SGSM2: variants seen among roughly 807,000 people sequenced by gnomAD.
SGSM2 encodes the protein RUN and TBC1 domain containing 1.
Under a neutral mutation model 126.6 loss-of-function variants are expected in SGSM2, and 89 were observed. The ratio of observed to expected loss-of-function variants is 0.70; its 90% confidence interval spans 0.59 to 0.84. The LOEUF is 0.84. SGSM2 is among the 40% of genes least tolerant of loss of function. SGSM2 has a pLI of 0.00. For synonymous variants in SGSM2, 614 were observed against 574.3 expected (o/e 1.07, Z -0.99); for missense variants, 1,404 against 1,416.6 (o/e 0.99, Z 0.14).
chr17:2,378,584 T>G (rs927406742), intron 22 of SGSM2, among the ~76,000 whole-genome samples: 1 of 151,760 alleles, frequency 6.6e-6, no homozygotes, highest in Admixed American at 6.6e-5. Context: ...AAAATTTCCA[T>G]AGGTGATTCC....
intron 1 of SGSM2, among the ~76,000 whole-genome samples, chr17:2,338,166 A>G (rs1366992611): frequency 4.6e-5 from 7 of 151,856 alleles, no homozygotes; most frequent in Admixed American, 1.3e-4. Flanking sequence ...CCACGTCCTA[A>G]GTGGGTGTCG....
chr17:2,373,656 C>A, intron 17 of SGSM2, 143 bp downstream of exon 17: 3 of 700,356 alleles, frequency 4.3e-6, no homozygotes, highest in Non-Finnish European at 7.0e-6. Context: ...TCATTTTCTC[C>A]AACTGGAAAT....
intron 21 of SGSM2, chr17:2,377,320 C>T (rs111980011): frequency 0.015 from 6,545 of 427,108 alleles, 407 homozygotes; most frequent in African/African-American, 0.12. Context: ...CCCATCTCTA[C>T]TAAAAATACA....
At position 2,379,905 on chromosome 17, in the gene SGSM2, G is replaced by T; in HGVS notation, c.*385G>T. ...ATAGCGGCCTGGGCCCTACTCAGCT[G>T]GGGTGGCAGAGGGCGAGAGGCTCTG... On this transcript the variant is annotated 3_prime_UTR_variant, in exon 24 of 24. Coordinates refer to ENST00000268989, the MANE Select transcript of SGSM2 (RefSeq NM_014853.3). 1 of 1,298,984 alleles carries T rather than the reference G, an allele frequency of 7.7e-7. No individual in the cohort carries two copies. 80.5% of individuals were successfully genotyped at this position (1,298,984 alleles called of 1,614,324 possible). A position where few individuals can be genotyped will look rare whatever the true frequency, so the allele number is the denominator to read the frequency against.
intron 2 of SGSM2, among the ~76,000 whole-genome samples, chr17:2,349,157 C>G (rs1463949486): frequency 2.0e-5 from 3 of 151,976 alleles, no homozygotes; most frequent in Admixed American, 1.3e-4. Flanking sequence ...GGGTGGATCA[C>G]CTGAGGTCAG....
chr17:2,364,872 C>A, intron 9 of SGSM2, 25 bp from the exon 10 acceptor site: 1 of 1,603,472 alleles, frequency 6.2e-7, no homozygotes. Context: ...AGGGCCTCAG[C>A]CGCACTCTCC....
Position 2,380,083 on chromosome 17 carries a change from C to A in SGSM2, c.*563C>A. 1 of 1,404,308 alleles carries A rather than the reference C, an allele frequency of 7.1e-7. No individual in the cohort carries two copies. Among genetic ancestry groups the A allele is most frequent in the Non-Finnish European group, 9.2e-7 (1 of 1,083,158 alleles). 87.0% of individuals were successfully genotyped at this position (1,404,308 alleles called of 1,614,324 possible). On this transcript the variant is annotated 3_prime_UTR_variant, in exon 24 of 24. Transcript: ENST00000268989. The stretch of plus-strand genomic sequence containing the variant: ...AGACCCGGGCCGCCTTCAGGCCGCT[C>A]CCCCGAGATTCTGGGGCAGTCGGAA...
At chr17:2,377,188 T>C in intron 21 of SGSM2, 120 bp downstream of exon 21, 1 of 675,062 alleles carries the variant, frequency 1.5e-6, no homozygotes, top group Admixed American at 3.0e-5. Context: ...TCTTTCATTT[T>C]AAAAGACATG....
At position 2,376,176 on chromosome 17, in the gene SGSM2, A is replaced by G. The variant is rs140157591; in HGVS notation, c.2524A>G (p.Ile842Val). Residue 842 changes from isoleucine (I) to valine (V), a missense_variant, in exon 19 of 24, where the codon ATA (isoleucine) becomes GTA (valine). Physicochemically the swap from Ile to Val is conservative, Grantham distance 29. Coordinates refer to ENST00000268989, the MANE Select transcript of SGSM2 (RefSeq NM_014853.3). ...LDTVALNLHR[I>V]DKDVQRCDRN... ...CACTGTGGCCTTAAACCTGCACCGC[A>G]TAGACAAGGATGTGCAGAGGTGTGA... The G allele has an allele frequency of 6.2e-7, 1 of 1,614,084 alleles. No individual in the cohort carries two copies. Among genetic ancestry groups the G allele is most frequent in the Non-Finnish European group, 8.5e-7 (1 of 1,180,010 alleles).
intron 2 of SGSM2, among the ~76,000 whole-genome samples, chr17:2,350,735 AG>A (rs751834247): frequency 3.3e-5 from 5 of 152,300 alleles, no homozygotes; most frequent in East Asian, 1.9e-4. Context: ...TAGGAACGAG[AG>A]GAAGGCAGGG....
Position 2,375,645 on chromosome 17 carries a change from C to T in SGSM2, c.2254C>T (p.Leu752=), listed in dbSNP as rs2066100129. 6.2e-7 allele frequency: 1 copy of T among 1,614,038 alleles called. No homozygotes were observed. The stretch of plus-strand genomic sequence containing the variant: ...GGAGTTCGACTCTCCAGACTCAGGA[C>T]TGCCCTCCTCTCGCAATTACTCCGT... The part of the protein sequence containing the change: ...SVEFDSPDSG[L]PSSRNYSVAS... The change falls in exon 18 of 24, where the codon CTG becomes TTG. Residue 752 remains leucine, a synonymous_variant. Coordinates refer to ENST00000268989, the MANE Select transcript of SGSM2 (RefSeq NM_014853.3).
At position 2,379,502 on chromosome 17, in the gene SGSM2, GC is replaced by G. The variant is rs751019651; in HGVS notation, c.3139del (p.Leu1047SerfsTer2). The part of the protein sequence containing the change: ...ARDLVHKVQM[L>X]IENK ...GGGACCTCGTCCACAAGGTGCAGAT[GC>G]TCATAGAGAACAAGTGAGCTGGGGC... On this transcript the variant is annotated frameshift_variant, in exon 24 of 24. Transcript: ENST00000268989. LOFTEE classifies it high-confidence loss of function. The G allele has an allele frequency of 4.3e-6, 7 of 1,612,826 alleles. No individual in the cohort carries two copies. The highest frequency in any genetic ancestry group is 5.9e-6 in the Non-Finnish European group (7 of 1,179,236).
chr17:2,379,884 C>A lies in SGSM2; in HGVS notation c.*364C>A. 7.7e-7 allele frequency: 1 copy of A among 1,296,518 alleles called. No individual in the cohort carries two copies. 80.3% of individuals were successfully genotyped at this position (1,296,518 alleles called of 1,614,324 possible). On this transcript the variant is annotated 3_prime_UTR_variant, in exon 24 of 24. Transcript: ENST00000268989. Reference sequence around the variant, plus strand: ...CCCACAGGATTAACAGGGGCTATAGCGGCCTGGGCCCTACTCAGCTGGGGT... The same window carrying A: ...CCCACAGGATTAACAGGGGCTATAGAGGCCTGGGCCCTACTCAGCTGGGGT...
intron 1 of SGSM2, among the ~76,000 whole-genome samples, chr17:2,338,159 C>T (rs889300321): frequency 6.6e-6 from 1 of 152,072 alleles, no homozygotes; most frequent in Non-Finnish European, 1.5e-5. Flanking sequence ...AGCTTCCCCA[C>T]GTCCTAAGTG....
chr17:2,342,280 CA>C (rs1224258655), intron 1 of SGSM2, among the ~76,000 whole-genome samples: 1 of 149,394 alleles, frequency 6.7e-6, no homozygotes, highest in Non-Finnish European at 1.5e-5. Context: ...AAAAAAAAGC[CA>C]GGTGTGGTGG....
chr17:2,361,878 G>A lies in SGSM2; in HGVS notation c.296+79G>A, dbSNP rs776564788. ...ATTGCTACTTCCTAGGACACCCATC[G>A]GAAAGTTGGCATCCTGGGCCTGTTC... On this transcript the variant is annotated intron_variant, in intron 3 of 23. Coordinates refer to ENST00000268989, the MANE Select transcript of SGSM2 (RefSeq NM_014853.3). The A allele has an allele frequency of 7.3e-5, 110 of 1,500,378 alleles. 1 individual carries two copies. The highest frequency in any genetic ancestry group is 5.3e-5 in the Non-Finnish European group (59 of 1,121,298). 92.9% of individuals were successfully genotyped at this position (1,500,378 alleles called of 1,614,324 possible). A position where few individuals can be genotyped will look rare whatever the true frequency, so the allele number is the denominator to read the frequency against.
intron 2 of SGSM2, among the ~76,000 whole-genome samples, chr17:2,345,280 G>C (rs911730917): frequency 3.9e-5 from 6 of 152,056 alleles, no homozygotes; most frequent in Non-Finnish European, 7.4e-5. Flanking sequence ...TGGCCAACTT[G>C]GTGAAACCCC....
rs1339433551 is a variant in SGSM2, at chr17:2,380,314, G to T, written c.*794G>T. 6.5e-7 allele frequency: 1 copy of T among 1,535,630 alleles called. No individual in the cohort carries two copies. The highest frequency in any genetic ancestry group is 1.2e-5 in the South Asian group (1 of 84,062). On this transcript the variant is annotated 3_prime_UTR_variant, in exon 24 of 24. Coordinates refer to ENST00000268989, the MANE Select transcript of SGSM2 (RefSeq NM_014853.3). ...AGAAGTGATGCTTTTGCCAGTGGATGATCTGGAATGCGACCGGAGCACTTG... is the reference window on the plus strand; with the variant it reads ...AGAAGTGATGCTTTTGCCAGTGGATTATCTGGAATGCGACCGGAGCACTTG...
At chr17:2,376,450 C>T in intron 19 of SGSM2, 189 bp downstream of exon 19, 2 of 707,796 alleles carry the variant, frequency 2.8e-6, no homozygotes, top group South Asian at 3.8e-5. Context: ...GCCTACCAGA[C>T]CTCCACTTCA....
Sources: gnomAD v4.1 joint callset for allele counts (sites outside exome capture counted in the v4.1 genomes callset) on GRCh38, gnomAD v4.1.1 for gene constraint, MANE v1.5 for transcripts, NCBI Gene and HGNC (gene_info 2026-07-23, HGNC 2026-07-21) for gene names.